GLRA3: variants seen among roughly 807,000 people sequenced by gnomAD.
GLRA3 encodes the protein glycine receptor alpha 3, also known as glycine receptor subunit alpha-3.
Under a neutral mutation model 60.4 loss-of-function variants are expected in GLRA3, and 44 were observed. That is an observed-to-expected ratio of 0.73 (90% CI 0.57 to 0.94). The LOEUF is 0.94. Among genes scored for constraint, GLRA3 ranks in the 40% least tolerant of loss-of-function variants. The probability of loss-of-function intolerance (pLI) is 0.00; values close to 1 mark genes in which losing one functional copy is unlikely to be tolerated. For synonymous variants in GLRA3, 223 were observed against 192.9 expected, an observed-to-expected ratio of 1.16 and a Z score of -1.29; for missense variants, 508 against 564.6, an observed-to-expected ratio of 0.90 and a Z score of 1.02.
At position 174,659,073 on chromosome 4, in the gene GLRA3, C is replaced by T. The variant is rs546808702; in HGVS notation, c.1052G>A (p.Arg351Gln). The change falls in exon 8 of 10, where the codon CGA becomes CAA. Residue 351 changes from arginine to glutamine, a missense_variant. Arg to Gln is a conservative substitution (Grantham distance 43, BLOSUM62 1). Transcript: ENST00000274093. ...ACTTACCTTATTCTTTCTCTTTCGT[C>T]GAAATCTCAGAAGTTCTTTGTGTTG... ...SRQHKELLRFRRKRKNKTEAF... is the reference protein window; with the variant it reads ...SRQHKELLRFQRKRKNKTEAF... 1.3e-5 allele frequency: 21 copies of T among 1,612,686 alleles called. No individual in the cohort carries two copies. The highest frequency in any genetic ancestry group is 1.0e-4 in the Admixed American group (6 of 59,914).
intron 1 of GLRA3, among the ~76,000 whole-genome samples, chr4:174,812,228 A>T (rs935784538): frequency 9.2e-5 from 14 of 152,148 alleles, no homozygotes; most frequent in Admixed American, 6.5e-5. Context: ...AATCAATAAG[A>T]TTCAGGACAT....
chr4:174,756,938 G>A (rs1053914918), intron 3 of GLRA3, among the ~76,000 whole-genome samples: 3 of 152,126 alleles, frequency 2.0e-5, no homozygotes, highest in African/African-American at 7.2e-5. Context: ...GAGCCCCCGC[G>A]CCCGGCCAAA....
intron 3 of GLRA3, among the ~76,000 whole-genome samples, chr4:174,752,381 A>T (rs991482618): frequency 2.0e-5 from 3 of 152,092 alleles, no homozygotes; most frequent in Non-Finnish European, 4.4e-5. Context: ...ATAAGCTCAA[A>T]GAGGCACCTG....
intron 3 of GLRA3, among the ~76,000 whole-genome samples, chr4:174,734,540 C>T (rs1736693772): frequency 6.6e-6 from 1 of 152,142 alleles, no homozygotes; most frequent in African/African-American, 2.4e-5. Flanking sequence ...TTAAATCTCC[C>T]TCTGACTTCT....
intron 1 of GLRA3, among the ~76,000 whole-genome samples, chr4:174,794,310 A>G (rs1280058952): frequency 1.3e-5 from 2 of 152,194 alleles, no homozygotes; most frequent in Admixed American, 6.5e-5. Flanking sequence ...TTTTAAAAAA[A>G]TATTACTCCA....
rs941421586 is a variant in GLRA3, at chr4:174,714,802, C to G, written c.574+686G>C. On this transcript the variant is annotated intron_variant, in intron 5 of 9. Transcript: ENST00000274093. ...TTAATTTAGGACTAATTATATAGAT[C>G]AGAGAAAGGGTAGGATGTGAAATGT... 4.6e-5 allele frequency among the ~76,000 whole-genome samples: 7 copies of G among 152,146 alleles called. No homozygotes were observed. The East Asian group carries it at 1.4e-3, about 29-fold the overall frequency.
At chr4:174,744,271 A>T (rs1737143559) in intron 3 of GLRA3, among the ~76,000 whole-genome samples, 1 of 152,252 alleles carries the variant, frequency 6.6e-6, no homozygotes, top group Admixed American at 6.5e-5. Flanking sequence ...GGACCTAAGA[A>T]CGCAATCACC....
intron 1 of GLRA3, among the ~76,000 whole-genome samples, chr4:174,789,249 T>C (rs1170073797): frequency 6.6e-6 from 1 of 152,224 alleles, no homozygotes; most frequent in Admixed American, 6.5e-5. Context: ...TTATTTCTGA[T>C]AGCAATTTTT....
intron 6 of GLRA3, among the ~76,000 whole-genome samples, chr4:174,680,907 A>C (rs1734317425): frequency 6.6e-6 from 1 of 152,210 alleles, no homozygotes; most frequent in Non-Finnish European, 1.5e-5. Flanking sequence ...AGCAACATAA[A>C]AGGTATATGT....
chr4:174,804,706 A>G (rs1739963618), intron 1 of GLRA3, among the ~76,000 whole-genome samples: 1 of 152,172 alleles, frequency 6.6e-6, no homozygotes, highest in Non-Finnish European at 1.5e-5. Flanking sequence ...GGCGAAAGCA[A>G]GAGAATAGCT....
At chr4:174,692,255 CGCGAGGGAG>C (rs1734860182) in intron 5 of GLRA3, among the ~76,000 whole-genome samples, 1 of 148,056 alleles carries the variant, frequency 6.8e-6, no homozygotes, top group Non-Finnish European at 1.5e-5. Context: ...CCGCCCCATC[CGCGAGGGAG>C]GTGGGGGGGT....
chr4:174,697,286 G>A (rs1326948183), intron 5 of GLRA3, among the ~76,000 whole-genome samples: 1 of 152,138 alleles, frequency 6.6e-6, no homozygotes, highest in Non-Finnish European at 1.5e-5. Context: ...GGCAGGGTTA[G>A]GGTGGAGACA....
Position 174,828,967 on chromosome 4 carries a change from C to A in GLRA3, c.-156G>T, listed in dbSNP as rs1349178993. The A allele has an allele frequency of 4.8e-6, 3 of 623,718 alleles. No homozygotes were observed. Among genetic ancestry groups the A allele is most frequent in the Non-Finnish European group, 8.8e-6 (3 of 342,374 alleles). 38.6% of individuals were successfully genotyped at this position (623,718 alleles called of 1,614,324 possible). On this transcript the variant is annotated 5_prime_UTR_variant, in exon 1 of 10. Transcript: ENST00000274093. ...ACCTTAGACAGCTCCCCGCAGTATG[C>A]GGACCCCTTCTCAGCATTGAGCAGA...
At chr4:174,712,908 T>C (rs551980904) in intron 5 of GLRA3, 1 of 147,348 alleles carries the variant, frequency 6.8e-6, no homozygotes, top group Non-Finnish European at 1.5e-5. Context: ...CACACATATA[T>C]GCATATATAT....
intron 1 of GLRA3, among the ~76,000 whole-genome samples, chr4:174,805,980 G>A (rs1386270066): frequency 6.6e-6 from 1 of 152,034 alleles, no homozygotes; most frequent in African/African-American, 2.4e-5. Flanking sequence ...GGGATCATGT[G>A]GAGCCTTTGT....
chr4:174,820,654 A>C (rs1740708719), intron 1 of GLRA3, among the ~76,000 whole-genome samples: 1 of 152,184 alleles, frequency 6.6e-6, no homozygotes, highest in African/African-American at 2.4e-5. Context: ...GATGGGATTC[A>C]CATTTTTTTC....
At chr4:174,710,236 T>G (rs1271766523) in intron 5 of GLRA3, among the ~76,000 whole-genome samples, 2 of 152,026 alleles carry the variant, frequency 1.3e-5, no homozygotes, top group Non-Finnish European at 2.9e-5. Flanking sequence ...AAGCAGTACT[T>G]CTAAGGTTGT....
At chr4:174,685,447 C>T (rs147934339) in intron 5 of GLRA3, among the ~76,000 whole-genome samples, 97 of 152,234 alleles carry the variant, frequency 6.4e-4, no homozygotes, top group African/African-American at 2.0e-3. Context: ...ATCAGTGTGA[C>T]GGCTCATTAT....
At chr4:174,733,072 A>G (rs10011025) in intron 3 of GLRA3, among the ~76,000 whole-genome samples, 28,987 of 152,124 alleles carry the variant, frequency 0.19, 2,859 homozygotes, top group East Asian at 0.29. Context: ...TTGTGTTATC[A>G]TAAGAATCCT....
Sources: allele counts gnomAD v4.1 joint callset (sites outside exome capture counted in the v4.1 genomes callset), GRCh38; gene constraint gnomAD v4.1.1; transcripts MANE v1.5; gene names NCBI Gene and HGNC (gene_info 2026-07-23, HGNC 2026-07-21).